SMAD3: variants seen among roughly 807,000 people sequenced by gnomAD.
The protein encoded by SMAD3 is MAD homolog 3.
A neutral mutation model predicts 51.8 loss-of-function variants in SMAD3; 12 were observed. The observed-to-expected ratio is 0.23, with a 90% CI of 0.15 to 0.38. The LOEUF is 0.38. Among genes scored for constraint, SMAD3 ranks in the 10% least tolerant of loss-of-function variants. The pLI, the probability that SMAD3 is intolerant of heterozygous loss-of-function variation, is 1.00. For missense variants in SMAD3, 294 were observed against 565.6 expected (o/e 0.52, Z 4.87); for synonymous variants, 238 against 227.7 (o/e 1.05, Z -0.41).
intron 1 of SMAD3, among the ~76,000 whole-genome samples, chr15:67,120,202 G>A (rs573168770): frequency 4.4e-4 from 67 of 152,282 alleles, no homozygotes; most frequent in Non-Finnish European, 6.9e-4. Flanking sequence ...AGTCCCTGGA[G>A]TACACTGGGT....
chr15:67,145,029 C>T (rs1204574593), intron 1 of SMAD3, among the ~76,000 whole-genome samples: 1 of 152,130 alleles, frequency 6.6e-6, no homozygotes, highest in Non-Finnish European at 1.5e-5. Flanking sequence ...CTTCCCCAGC[C>T]AGAGAGCCAG....
intron 8 of SMAD3, among the ~76,000 whole-genome samples, chr15:67,189,727 C>G (rs936292916): frequency 3.3e-5 from 5 of 152,194 alleles, no homozygotes; most frequent in African/African-American, 1.2e-4. Context: ...TCAGTGGAGG[C>G]CTTTGGGAGC....
chr15:67,090,829 C>T lies in SMAD3; in HGVS notation c.206+24469C>T, dbSNP rs531563749. ...TAACCCGTGACAGCAGTAAGCCTCT[C>T]GATCTGTTGTTTGCAGTGTTTCAGC... On this transcript the variant is annotated intron_variant, in intron 1 of 8. Transcript: ENST00000327367. 7.2e-5 allele frequency among the ~76,000 whole-genome samples: 11 copies of T among 152,288 alleles called. No homozygotes were observed. In the South Asian group the frequency reaches 1.9e-3, roughly 26 times the overall value.
chr15:67,105,742 C>T (rs1477020602), intron 1 of SMAD3, among the ~76,000 whole-genome samples: 3 of 152,196 alleles, frequency 2.0e-5, no homozygotes, highest in African/African-American at 4.8e-5. Context: ...CTGGAGATCC[C>T]GTGGGGTTTT....
At chr15:67,159,775 T>C (rs1962378852) in intron 1 of SMAD3, among the ~76,000 whole-genome samples, 1 of 152,244 alleles carries the variant, frequency 6.6e-6, no homozygotes, top group Non-Finnish European at 1.5e-5. Context: ...CCTTATAATT[T>C]TACACGAACA....
intron 1 of SMAD3, among the ~76,000 whole-genome samples, chr15:67,152,031 ATAT>A (rs998732924): frequency 4.6e-5 from 7 of 152,260 alleles, no homozygotes; most frequent in African/African-American, 1.7e-4. Flanking sequence ...GCTATATAAT[ATAT>A]TATTGTTAAG....
At chr15:67,127,501 C>A (rs978033311) in intron 1 of SMAD3, among the ~76,000 whole-genome samples, 2 of 152,208 alleles carry the variant, frequency 1.3e-5, no homozygotes, top group African/African-American at 4.8e-5. Context: ...ACCTGTGAAT[C>A]CATACAGGAT....
intron 7 of SMAD3, chr15:67,187,159 G>A (rs571460587): frequency 4.3e-6 from 3 of 697,188 alleles, no homozygotes; most frequent in Middle Eastern, 2.3e-4. Context: ...CCAGTGAGGA[G>A]ATGGGTTCAA....
chr15:67,101,607 T>A (rs1186385520), intron 1 of SMAD3, among the ~76,000 whole-genome samples: 1 of 152,142 alleles, frequency 6.6e-6, no homozygotes, highest in Admixed American at 6.5e-5. Context: ...ATCTGTGTAA[T>A]CCCTAGGAGA....
Position 67,066,149 on chromosome 15 carries a change from C to T in SMAD3, c.-6C>T. The T allele has an allele frequency of 6.3e-7, 1 of 1,585,558 alleles. No individual in the cohort carries two copies. Among genetic ancestry groups the T allele is most frequent in the Non-Finnish European group, 8.6e-7 (1 of 1,166,942 alleles). Reference sequence around the variant, plus strand: ...GCTCCTCGCCGCCCGCGCGCCCTCCCCAGCCATGTCGTCCATCCTGCCTTT... The same window carrying T: ...GCTCCTCGCCGCCCGCGCGCCCTCCTCAGCCATGTCGTCCATCCTGCCTTT... On this transcript the variant is annotated 5_prime_UTR_variant, in exon 1 of 9. Transcript: ENST00000327367.
At chr15:67,165,162 C>G in intron 2 of SMAD3, 74 bp downstream of exon 2, 1 of 1,611,826 alleles carries the variant, frequency 6.2e-7, no homozygotes, top group Non-Finnish European at 8.5e-7. Context: ...CCCATCCCCC[C>G]GAGGGTCTGC....
intron 1 of SMAD3, among the ~76,000 whole-genome samples, chr15:67,117,817 T>A (rs1961169709): frequency 6.6e-6 from 1 of 152,152 alleles, no homozygotes; most frequent in Non-Finnish European, 1.5e-5. Flanking sequence ...TTTGGCCGGG[T>A]GCAGTGGCTC....
intron 1 of SMAD3, among the ~76,000 whole-genome samples, chr15:67,072,981 G>A (rs1211472659): frequency 2.0e-5 from 3 of 152,148 alleles, no homozygotes; most frequent in Admixed American, 1.3e-4. Context: ...CAGATAATGC[G>A]GACAAAATAG....
chr15:67,137,999 G>A lies in SMAD3; in HGVS notation c.207-26896G>A, dbSNP rs146714608. ...CTTATCATCAGAATCCCTCCCTCCC[G>A]TCCCTGTGACCTCCCAACTTCACAA... is the stretch of plus-strand genomic sequence containing the variant. On this transcript the variant is annotated intron_variant, in intron 1 of 8. Transcript: ENST00000327367. 2,918 of 1,459,058 alleles carry A rather than the reference G, an allele frequency of 2.0e-3. 48 individuals are homozygous for A. In the African/African-American group the frequency reaches 0.035, roughly 18 times the overall value. 90.4% of individuals were successfully genotyped at this position (1,459,058 alleles called of 1,614,324 possible).
chr15:67,173,327 T>C (rs8029820), intron 5 of SMAD3, among the ~76,000 whole-genome samples: 1,877 of 151,906 alleles, frequency 0.012, 55 homozygotes, highest in African/African-American at 0.044. Context: ...AGGGAGAAAG[T>C]CCAGAAGAGG....
chr15:67,129,043 A>G (rs2140250746), intron 1 of SMAD3, among the ~76,000 whole-genome samples: 1 of 152,224 alleles, frequency 6.6e-6, no homozygotes, highest in East Asian at 1.9e-4. Context: ...TCCCAGGTAG[A>G]GTTGGAATTT....
intron 1 of SMAD3, among the ~76,000 whole-genome samples, chr15:67,133,205 G>A (rs1961570516): frequency 6.6e-6 from 1 of 152,148 alleles, no homozygotes; most frequent in Admixed American, 6.5e-5. Context: ...TTATGGAAGG[G>A]TGAACTCAAT....
intron 1 of SMAD3, among the ~76,000 whole-genome samples, chr15:67,071,902 T>G (rs1331364384): frequency 1.3e-5 from 2 of 152,238 alleles, no homozygotes; most frequent in Admixed American, 1.3e-4. Flanking sequence ...TTCTCATTTC[T>G]CTAGTTAACA....
intron 1 of SMAD3, among the ~76,000 whole-genome samples, chr15:67,109,237 C>T (rs1380628565): frequency 6.6e-6 from 1 of 152,190 alleles, no homozygotes; most frequent in Non-Finnish European, 1.5e-5. Flanking sequence ...TTTGTGTGTG[C>T]AAATGCTTTT....
Sources: gnomAD v4.1 joint callset for allele counts (sites outside exome capture counted in the v4.1 genomes callset) on GRCh38, gnomAD v4.1.1 for gene constraint, MANE v1.5 for transcripts, NCBI Gene and HGNC (gene_info 2026-07-23, HGNC 2026-07-21) for gene names.